GSTO1: variants seen among roughly 807,000 people sequenced by gnomAD.
GSTO1 encodes the protein glutathione S-transferase omega-1.
In GSTO1, 27 loss-of-function variants were observed where a neutral mutation model predicts 23.8. That is an observed-to-expected ratio of 1.13 (90% confidence interval 0.83 to 1.56). GSTO1 has a LOEUF of 1.56. Among genes scored for constraint, GSTO1 ranks in the 40% most tolerant of loss-of-function variants. GSTO1 has a pLI of 0.00. For synonymous variants in GSTO1, 105 were observed against 109.3 expected (o/e 0.96, Z 0.25); for missense variants, 255 against 285.8 (o/e 0.89, Z 0.78).
At position 104,255,243 on chromosome 10, in the gene GSTO1, C is replaced by A; in HGVS notation, c.115C>A (p.Arg39Ser). 1 of 1,612,568 alleles carries A rather than the reference C, an allele frequency of 6.2e-7. No homozygotes were observed. Among genetic ancestry groups the A allele is most frequent in the Non-Finnish European group, 8.5e-7 (1 of 1,178,604 alleles). The change falls in exon 2 of 6, where the codon CGT (arginine) becomes AGT (serine). Residue 39 changes from arginine to serine, a missense_variant. Transcript: ENST00000369713. ...MRFCPFAERT[R>S]LVLKAKGIRH... ...GTTCTGCCCGTTTGCTGAGAGGACG[C>A]GTCTAGTCCTGAAGGCCAAGGGAAT...
intron 2 of GSTO1, among the ~76,000 whole-genome samples, chr10:104,257,488 G>A (rs1484923865): frequency 6.6e-6 from 1 of 151,952 alleles, no homozygotes; most frequent in African/African-American, 2.4e-5. Context: ...CTACAGGTGA[G>A]TACCACCACA....
In GSTO1 at chr10:104,266,096, A is replaced by C; in HGVS notation, c.478A>C (p.Lys160Gln). The C allele has an allele frequency of 6.3e-7, 1 of 1,586,482 alleles. No homozygotes were observed. Among genetic ancestry groups the C allele is most frequent in the Non-Finnish European group, 8.7e-7 (1 of 1,154,976 alleles). ...GTTTAATGTTCAGGTTCTGACTAAT[A>C]AGAAGACGACCTTCTTTGGTGGCAA... ...FTKLEEVLTN[K>Q]KTTFFGGNSI... The change falls in exon 5 of 6, where the codon AAG becomes CAG. Residue 160 changes from lysine (K) to glutamine (Q), a missense_variant. Transcript: ENST00000369713.
At chr10:104,262,330 A>G (rs1314007925) in intron 3 of GSTO1, among the ~76,000 whole-genome samples, 1 of 152,218 alleles carries the variant, frequency 6.6e-6, no homozygotes, top group Non-Finnish European at 1.5e-5. Context: ...GCCATTTCTC[A>G]GCATGAATTT....
intron 3 of GSTO1, 95 bp from the exon 4 acceptor site, chr10:104,262,884 A>G: frequency 1.7e-6 from 1 of 604,948 alleles, no homozygotes; most frequent in South Asian, 2.1e-5. Flanking sequence ...GAACACCTTG[A>G]CACCAGGACT....
In GSTO1 at chr10:104,254,973, C is replaced by A; in HGVS notation, c.34+11C>A. On this transcript the variant is annotated intron_variant, in intron 1 of 5. Coordinates refer to ENST00000369713, the MANE Select transcript of GSTO1 (RefSeq NM_004832.3). Reference sequence around the variant, plus strand: ...GGAGCTTGGGGAAGGGTGAGGCCTGCCCGCCGCGAAGAGGGGGTGATCTCG... The same window carrying A: ...GGAGCTTGGGGAAGGGTGAGGCCTGACCGCCGCGAAGAGGGGGTGATCTCG... 1.2e-6 allele frequency: 2 copies of A among 1,605,038 alleles called. No homozygotes were observed. Among genetic ancestry groups the A allele is most frequent in the Non-Finnish European group, 1.7e-6 (2 of 1,176,154 alleles).
intron 2 of GSTO1, among the ~76,000 whole-genome samples, chr10:104,256,612 C>T (rs962442715): frequency 2.6e-5 from 4 of 152,216 alleles, no homozygotes; most frequent in Middle Eastern, 3.4e-3. Context: ...AGCTTGAGCC[C>T]GAGGAGGCTT....
intron 2 of GSTO1, among the ~76,000 whole-genome samples, chr10:104,256,360 T>G (rs1005523661): frequency 2.0e-5 from 3 of 152,212 alleles, no homozygotes; most frequent in African/African-American, 7.2e-5. Flanking sequence ...TGGTACTCAT[T>G]TATTTGAAAA....
chr10:104,258,945 T>A (rs988170863), intron 2 of GSTO1, among the ~76,000 whole-genome samples: 1 of 152,006 alleles, frequency 6.6e-6, no homozygotes, highest in Admixed American at 6.5e-5. Context: ...AAAATGCAAA[T>A]CAAAATCACA....
At chr10:104,260,169 C>A (rs1452330757) in intron 3 of GSTO1, among the ~76,000 whole-genome samples, 1 of 152,180 alleles carries the variant, frequency 6.6e-6, no homozygotes, top group African/African-American at 2.4e-5. Context: ...GCTTGGCAGG[C>A]TGGTTAGTGC....
At chr10:104,254,478 T>G, upstream of GSTO1, 1 of 196,774 alleles carries the variant, frequency 5.1e-6, no homozygotes, top group Non-Finnish European at 1.1e-5. Flanking sequence ...ACAGGAGCCT[T>G]TGGAGAGAAC....
rs11509436 is a variant in GSTO1 at position 104,259,689 on chromosome 10, C to G, written c.257C>G (p.Ser86Cys). The G allele has an allele frequency of 9.3e-6, 15 of 1,612,864 alleles. No homozygotes were observed. Among genetic ancestry groups the G allele is most frequent in the Admixed American group, 6.7e-5 (4 of 59,994 alleles). Residue 86 changes from serine to cysteine, a missense_variant, in exon 3 of 6, where the codon TCT (serine) becomes TGT (cysteine). Physicochemically the swap from Ser to Cys is moderately radical, Grantham distance 112. Transcript: ENST00000369713. Reference protein sequence around the residue: ...ENSQGQLIYESAITCEYLDEA... With the variant: ...ENSQGQLIYECAITCEYLDEA... Reference sequence around the variant, plus strand: ...AGTCAGGGTCAGCTGATCTACGAGTCTGCCATCACCTGTGAGTACCTGGAT... The same window carrying G: ...AGTCAGGGTCAGCTGATCTACGAGTGTGCCATCACCTGTGAGTACCTGGAT...
rs770951049 is a variant in GSTO1 at position 104,267,292 on chromosome 10, G to C, written c.613G>C (p.Ala205Pro). 11 of 1,613,460 alleles carry C rather than the reference G, an allele frequency of 6.8e-6. No homozygotes were observed. The South Asian group carries it at 1.2e-4, about 18-fold the overall frequency. The change falls in exon 6 of 6, where the codon GCC becomes CCC. Residue 205 changes from alanine (A) to proline (P), a missense_variant. Ala to Pro is a conservative substitution (Grantham distance 27). Coordinates refer to ENST00000369713, the MANE Select transcript of GSTO1 (RefSeq NM_004832.3). ...HTPKLKLWMA[A>P]MKEDPTVSAL... ...TCCAAAACTGAAACTGTGGATGGCA[G>C]CCATGAAGGAAGATCCCACAGTCTC...
intron 3 of GSTO1, 142 bp from the exon 4 acceptor site, chr10:104,262,837 G>GT (rs2011149152): frequency 2.0e-6 from 1 of 498,718 alleles, no homozygotes; most frequent in African/African-American, 1.9e-5. Context: ...CATTACCTCT[G>GT]TGAGCGCAGG....
intron 2 of GSTO1, among the ~76,000 whole-genome samples, chr10:104,258,352 A>G (rs1238689224): frequency 1.3e-5 from 2 of 152,242 alleles, no homozygotes; most frequent in Non-Finnish European, 2.9e-5. Flanking sequence ...TTTCCTGGAC[A>G]TGACACCAAA....
chr10:104,263,741 T>A (rs1414802055), intron 4 of GSTO1, among the ~76,000 whole-genome samples: 1 of 152,028 alleles, frequency 6.6e-6, no homozygotes, highest in Non-Finnish European at 1.5e-5. Flanking sequence ...TTGCTGTAGG[T>A]TTTTCAGAAA....
intron 2 of GSTO1, among the ~76,000 whole-genome samples, chr10:104,255,696 T>G (rs1440826343): frequency 6.6e-6 from 1 of 152,300 alleles, no homozygotes; most frequent in Middle Eastern, 3.4e-3. Context: ...CCTCCTAGAA[T>G]AGTAATTTAC....
intron 2 of GSTO1, among the ~76,000 whole-genome samples, chr10:104,256,405 C>G (rs1484497034): frequency 6.6e-6 from 1 of 152,220 alleles, no homozygotes; most frequent in Non-Finnish European, 1.5e-5. Context: ...TTCAGAGGCA[C>G]AAAGTCCTGG....
Position 104,263,039 on chromosome 10 carries a change from A to G in GSTO1, c.427A>G (p.Lys143Glu), listed in dbSNP as rs757930662. The stretch of plus-strand genomic sequence containing the variant: ...AAATAAAGAAGACTATGCTGGCCTA[A>G]AAGAAGAATTTCGTAAAGAATTTAC... ...SQNKEDYAGL[K>E]EEFRKEFTKL... Residue 143 changes from lysine to glutamate, a missense_variant, in exon 4 of 6, where the codon AAA becomes GAA. Coordinates refer to ENST00000369713, the MANE Select transcript of GSTO1 (RefSeq NM_004832.3). 3 of 1,536,652 alleles carry G rather than the reference A, an allele frequency of 2.0e-6. No individual in the cohort carries two copies. Among genetic ancestry groups the G allele is most frequent in the Non-Finnish European group, 2.7e-6 (3 of 1,110,932 alleles).
chr10:104,255,373 G>C, intron 2 of GSTO1, 102 bp downstream of exon 2: 1 of 724,914 alleles, frequency 1.4e-6, no homozygotes, highest in South Asian at 1.6e-5. Context: ...CCTCCCACCA[G>C]CGTCCTTTAC....
Sources: allele counts gnomAD v4.1 joint callset (sites outside exome capture counted in the v4.1 genomes callset), GRCh38; gene constraint gnomAD v4.1.1; transcripts MANE v1.5; gene names NCBI Gene and HGNC (gene_info 2026-07-23, HGNC 2026-07-21).